The following ATG10 variants were observed in gnomAD, a reference collection of about 807,000 sequenced individuals.
ATG10 encodes autophagy related 10.
A neutral mutation model predicts 32.1 loss-of-function variants in ATG10; 30 were observed. That is an observed-to-expected ratio of 0.94 (90% CI 0.70 to 1.27). ATG10 has a LOEUF of 1.27. ATG10 is among the 50% of genes most tolerant of loss of function. The pLI is 0.00. For missense variants in ATG10, 233 were observed against 262.3 expected (o/e 0.89, Z 0.77); for synonymous variants, 87 against 91.5 (o/e 0.95, Z 0.28).
At chr5:82,087,766 T>G (rs1432096443) in intron 3 of ATG10, among the ~76,000 whole-genome samples, 1 of 152,054 alleles carries the variant, frequency 6.6e-6, no homozygotes. Context: ...AGGGCTGATA[T>G]CCTTAAAAAT....
intron 2 of ATG10, among the ~76,000 whole-genome samples, chr5:82,014,491 T>A (rs1015621366): frequency 3.9e-5 from 6 of 152,222 alleles, no homozygotes; most frequent in African/African-American, 1.4e-4. Context: ...TCTAAGGACT[T>A]GCTTTATGAA....
chr5:82,087,118 C>G (rs1171369136), intron 3 of ATG10, among the ~76,000 whole-genome samples: 1 of 152,060 alleles, frequency 6.6e-6, no homozygotes, highest in Non-Finnish European at 1.5e-5. Context: ...TGACCTGGAA[C>G]TCAATAAAAT....
chr5:82,230,199 AT>A (rs1263852442), intron 5 of ATG10, among the ~76,000 whole-genome samples: 2 of 152,178 alleles, frequency 1.3e-5, no homozygotes, highest in Non-Finnish European at 2.9e-5. Flanking sequence ...TTTTTGTGAA[AT>A]ATTTCAAAGG....
At chr5:82,177,250 T>A (rs1471691090) in intron 4 of ATG10, among the ~76,000 whole-genome samples, 2 of 152,162 alleles carry the variant, frequency 1.3e-5, no homozygotes, top group Non-Finnish European at 2.9e-5. Flanking sequence ...CAAAATAATT[T>A]GCACTCACAT....
chr5:82,199,069 C>G (rs1034953961), intron 5 of ATG10, among the ~76,000 whole-genome samples: 6 of 152,104 alleles, frequency 3.9e-5, no homozygotes, highest in African/African-American at 1.4e-4. Context: ...ATATTTATTT[C>G]TTTTTAAAGA....
intron 3 of ATG10, among the ~76,000 whole-genome samples, chr5:82,094,041 G>A (rs1158312136): frequency 6.6e-6 from 1 of 152,078 alleles, no homozygotes; most frequent in Non-Finnish European, 1.5e-5. Context: ...GAGCCGATCT[G>A]TACTTAGCTG....
chr5:82,114,356 T>C (rs76457405), intron 3 of ATG10, among the ~76,000 whole-genome samples: 1,875 of 152,064 alleles, frequency 0.012, 31 homozygotes, highest in African/African-American at 0.042. Context: ...ATGAGACATG[T>C]TTCCAATGAC....
Position 82,246,416 on chromosome 5 carries a change from C to T in ATG10, c.454-6146C>T, listed in dbSNP as rs189207518. Among the ~76,000 whole-genome samples, 365 of 151,140 alleles carry T rather than the reference C, an allele frequency of 2.4e-3. 2 individuals are homozygous for T. Among genetic ancestry groups the T allele is most frequent in the Non-Finnish European group, 4.2e-3 (286 of 67,834 alleles). On this transcript the variant is annotated intron_variant, in intron 5 of 7. Transcript: ENST00000282185. Reference sequence around the variant, plus strand: ...AAAGATAGCAACTTTGGGCCAGGTACGGGGGCTTATGCCTATAATCCCAGC... The same window carrying T: ...AAAGATAGCAACTTTGGGCCAGGTATGGGGGCTTATGCCTATAATCCCAGC...
intron 3 of ATG10, chr5:82,147,655 G>T (rs1014484212): frequency 6.6e-6 from 1 of 152,170 alleles, no homozygotes; most frequent in African/African-American, 2.4e-5. Context: ...CACATACATG[G>T]TTCAGGAGTC....
chr5:81,972,582 C>G (rs1760754804), intron 1 of ATG10: 1 of 152,232 alleles, frequency 6.6e-6, no homozygotes, highest in Non-Finnish European at 1.5e-5. Context: ...GTACCCAAAG[C>G]ACCCTCGAAG....
intron 7 of ATG10, 73 bp downstream of exon 7, chr5:82,253,502 C>A: frequency 9.6e-7 from 1 of 1,036,890 alleles, no homozygotes. Flanking sequence ...AGACTCATCC[C>A]ACCAAATGCA....
At chr5:82,092,639 C>T (rs1425051277) in intron 3 of ATG10, among the ~76,000 whole-genome samples, 3 of 152,200 alleles carry the variant, frequency 2.0e-5, no homozygotes, top group African/African-American at 7.2e-5. Flanking sequence ...CTTCTTTACT[C>T]AGTGACTGGG....
At chr5:82,138,858 CCCCTCCCCCTCCCCCTCCCCCTCT>C (rs1473079069) in intron 3 of ATG10, among the ~76,000 whole-genome samples, 20 of 49,124 alleles carry the variant, frequency 4.1e-4, no homozygotes, top group African/African-American at 1.2e-3. Flanking sequence ...CCTCCCCCTC[CCCCTCCCCCTCCCCCTCCCCCTCT>C]CCCTCTCCCT....
At chr5:82,244,954 TGTTTATTAA>T (rs1200909594) in intron 5 of ATG10, among the ~76,000 whole-genome samples, 1 of 152,158 alleles carries the variant, frequency 6.6e-6, no homozygotes, top group Non-Finnish European at 1.5e-5. Context: ...CCAGTAGAAG[TGTTTATTAA>T]GTTGTAAGCC....
At chr5:82,142,294 G>A (rs1229824319) in intron 3 of ATG10, among the ~76,000 whole-genome samples, 1 of 152,140 alleles carries the variant, frequency 6.6e-6, no homozygotes, top group Non-Finnish European at 1.5e-5. Flanking sequence ...GTACTAGTAC[G>A]ATGTTTGTGT....
chr5:82,139,656 A>G (rs1418578114), intron 3 of ATG10, among the ~76,000 whole-genome samples: 3 of 115,254 alleles, frequency 2.6e-5, no homozygotes, highest in Non-Finnish European at 3.6e-5. Context: ...CAGCCACCCC[A>G]TCTGGGAAGT....
At chr5:82,111,960 A>T (rs529707684) in intron 3 of ATG10, among the ~76,000 whole-genome samples, 1 of 152,186 alleles carries the variant, frequency 6.6e-6, no homozygotes, top group South Asian at 2.1e-4. Context: ...TAAAGGGCAT[A>T]CAGGGACAAT....
intron 3 of ATG10, among the ~76,000 whole-genome samples, chr5:82,141,162 C>G (rs1196081336): frequency 2.1e-5 from 3 of 145,994 alleles, no homozygotes; most frequent in Non-Finnish European, 3.0e-5. Context: ...CTTCCCTCCA[C>G]TATTGTCCCA....
At chr5:82,050,345 C>G (rs929934849) in intron 2 of ATG10, among the ~76,000 whole-genome samples, 8 of 152,018 alleles carry the variant, frequency 5.3e-5, no homozygotes, top group African/African-American at 1.9e-4. Flanking sequence ...TGGACAATAA[C>G]TATTGATTCC....
Sources: allele counts gnomAD v4.1 joint callset (sites outside exome capture counted in the v4.1 genomes callset), GRCh38; gene constraint gnomAD v4.1.1; transcripts MANE v1.5; gene names NCBI Gene and HGNC (gene_info 2026-07-23, HGNC 2026-07-21).